Variants in LAMC1 observed in about 807,000 individuals in gnomAD.
LAMC1 encodes laminin subunit gamma-1.
In LAMC1, 38 loss-of-function variants were observed where a neutral mutation model predicts 173.6. The ratio of observed to expected loss-of-function variants is 0.22; its 90% CI spans 0.17 to 0.29. LAMC1 has a LOEUF of 0.29. Ranked by LOEUF, LAMC1 falls within the 10% of genes least tolerant of loss-of-function variation. The pLI is 1.00. For synonymous variants in LAMC1, 746 were observed against 749.1 expected, an observed-to-expected ratio of 1.00 and a Z score of 0.07; for missense variants, 1,824 against 2,051.8, an observed-to-expected ratio of 0.89 and a Z score of 2.14.
chr1:183,100,326 C>G (rs529521077), intron 1 of LAMC1, among the ~76,000 whole-genome samples: 1 of 152,312 alleles, frequency 6.6e-6, no homozygotes, highest in South Asian at 2.1e-4. Flanking sequence ...CAAACCTGAT[C>G]ATGTATTTTC....
chr1:183,111,234 A>G (rs6686554), intron 4 of LAMC1, among the ~76,000 whole-genome samples: 77,859 of 151,028 alleles, frequency 0.52, 20,681 homozygotes, highest in South Asian at 0.65. Context: ...TTACAGGTGC[A>G]TGCCACCATG....
chr1:183,110,173 C>G (rs186052201), intron 3 of LAMC1, among the ~76,000 whole-genome samples: 1 of 152,194 alleles, frequency 6.6e-6, no homozygotes, highest in African/African-American at 2.4e-5. Context: ...AGAGTCCATG[C>G]TTTTCTGAAC....
At chr1:183,077,776 G>GTGTGTGTGTGTGTATATA in intron 1 of LAMC1, among the ~76,000 whole-genome samples, 2 of 116,556 alleles carry the variant, frequency 1.7e-5, no homozygotes, top group Non-Finnish European at 3.8e-5. Flanking sequence ...TGGCCATTGT[G>GTGTGTGTGTGTGTATATA]TATATATATA....
chr1:183,071,094 T>TG (rs1183256977), intron 1 of LAMC1, among the ~76,000 whole-genome samples: 13 of 149,256 alleles, frequency 8.7e-5, no homozygotes, highest in African/African-American at 2.9e-4. Context: ...TTGTTTTTGT[T>TG]TTTTTTTTTT....
intron 2 of LAMC1, among the ~76,000 whole-genome samples, chr1:183,107,839 GAAAA>G (rs879285263): frequency 6.6e-6 from 1 of 151,446 alleles, no homozygotes; most frequent in Non-Finnish European, 1.5e-5. Context: ...CAAAAAAAAA[GAAAA>G]AAAAGGACAG....
chr1:183,110,575 A>C lies in LAMC1; in HGVS notation c.942A>C (p.Val314=), dbSNP rs766154760. 6.2e-7 allele frequency: 1 copy of C among 1,614,172 alleles called. No individual in the cohort carries two copies. Among genetic ancestry groups the C allele is most frequent in the Non-Finnish European group, 8.5e-7 (1 of 1,179,954 alleles). The part of the protein sequence containing the change: ...VCNCKHNTYG[V]DCEKCLPFFN... ...ATTGCAAACATAACACATATGGAGTAGACTGTGAAAAGTGTCTTCCTTTCT... is the reference window on the plus strand; with the variant it reads ...ATTGCAAACATAACACATATGGAGTCGACTGTGAAAAGTGTCTTCCTTTCT... Residue 314 remains valine (V), a synonymous_variant, in exon 4 of 28, where the codon GTA becomes GTC. Coordinates refer to ENST00000258341, the MANE Select transcript of LAMC1 (RefSeq NM_002293.4).
At chr1:183,030,311 C>G (rs1220273798) in intron 1 of LAMC1, among the ~76,000 whole-genome samples, 3 of 152,180 alleles carry the variant, frequency 2.0e-5, no homozygotes, top group Admixed American at 6.5e-5. Context: ...GCAGTACTTT[C>G]ATGTTATATA....
At chr1:183,077,919 A>G (rs1655162549) in intron 1 of LAMC1, among the ~76,000 whole-genome samples, 1 of 151,264 alleles carries the variant, frequency 6.6e-6, no homozygotes, top group Non-Finnish European at 1.5e-5. Context: ...TTTCTCTCTC[A>G]TGTGTTTGGG....
chr1:183,052,559 T>G (rs1215648516), intron 1 of LAMC1, among the ~76,000 whole-genome samples: 1 of 152,158 alleles, frequency 6.6e-6, no homozygotes, highest in Non-Finnish European at 1.5e-5. Flanking sequence ...GTCTCTTAAC[T>G]CCTGACCTCA....
chr1:183,033,950 T>C (rs1016390045), intron 1 of LAMC1, among the ~76,000 whole-genome samples: 2 of 151,992 alleles, frequency 1.3e-5, no homozygotes, highest in Non-Finnish European at 2.9e-5. Context: ...GCACCCTCCT[T>C]GGCCTCCCAA....
chr1:183,072,713 T>C (rs1182421421), intron 1 of LAMC1, among the ~76,000 whole-genome samples: 1 of 152,242 alleles, frequency 6.6e-6, no homozygotes, highest in Non-Finnish European at 1.5e-5. Context: ...AAGCTTTATT[T>C]GTATTTATAG....
At chr1:183,077,472 T>A (rs891504753) in intron 1 of LAMC1, among the ~76,000 whole-genome samples, 2 of 152,050 alleles carry the variant, frequency 1.3e-5, no homozygotes, top group African/African-American at 4.8e-5. Context: ...ATGAATAAGT[T>A]CTTTAGTGGT....
chr1:183,075,126 CT>C (rs34893443), intron 1 of LAMC1, among the ~76,000 whole-genome samples: 1,470 of 135,656 alleles, frequency 0.011, 10 homozygotes, highest in Middle Eastern at 0.071. Flanking sequence ...CTGATGTGGG[CT>C]TTTTTTTTTT....
chr1:183,119,512 GA>G (rs1231308345), intron 11 of LAMC1, among the ~76,000 whole-genome samples: 1 of 152,122 alleles, frequency 6.6e-6, no homozygotes, highest in East Asian at 1.9e-4. Flanking sequence ...TGGAATCCTG[GA>G]AACAGTTAAG....
At chr1:183,114,131 G>A (rs3768623) in intron 4 of LAMC1, among the ~76,000 whole-genome samples, 78,605 of 152,018 alleles carry the variant, frequency 0.52, 21,018 homozygotes, top group South Asian at 0.65. Context: ...GCCCAGTGGC[G>A]TGATCTCAGC....
chr1:183,124,138 C>G (rs1204959102), intron 13 of LAMC1, among the ~76,000 whole-genome samples: 1 of 152,174 alleles, frequency 6.6e-6, no homozygotes, highest in East Asian at 1.9e-4. Flanking sequence ...TTCTAACATG[C>G]CCTGATTCTG....
chr1:183,112,551 A>G (rs952821683), intron 4 of LAMC1, among the ~76,000 whole-genome samples: 2 of 152,154 alleles, frequency 1.3e-5, no homozygotes, highest in African/African-American at 2.4e-5. Context: ...ACAATACTAC[A>G]TTAATTGTCA....
intron 1 of LAMC1, among the ~76,000 whole-genome samples, chr1:183,098,353 T>A (rs538256126): frequency 6.6e-6 from 1 of 152,344 alleles, no homozygotes; most frequent in South Asian, 2.1e-4. Context: ...CTTTGACCCC[T>A]CTATTCCATT....
chr1:183,118,885 C>A lies in LAMC1; in HGVS notation c.1990+739C>A, dbSNP rs956520741. Among the ~76,000 whole-genome samples, 25 of 151,998 alleles carry A rather than the reference C, an allele frequency of 1.6e-4. No individual in the cohort carries two copies. The East Asian group carries it at 4.4e-3, about 27-fold the overall frequency. On this transcript the variant is annotated intron_variant, in intron 11 of 27. Transcript: ENST00000258341. ...TGATTTTGTTATAATTTTTGGTGAA[C>A]AAGAGTTTAAGACTTAAAAATTTTT...
Sources: gnomAD v4.1 joint callset for allele counts (sites outside exome capture counted in the v4.1 genomes callset) on GRCh38, gnomAD v4.1.1 for gene constraint, MANE v1.5 for transcripts, NCBI Gene and HGNC (gene_info 2026-07-23, HGNC 2026-07-21) for gene names.